The following PTPRQ variants were observed in gnomAD, a reference collection of about 807,000 sequenced individuals.
The protein encoded by PTPRQ is protein tyrosine phosphatase receptor type Q.
Under a neutral mutation model 246.0 loss-of-function variants are expected in PTPRQ, and 199 were observed. The observed-to-expected ratio is 0.81, with a 90% CI of 0.72 to 0.91. The LOEUF (loss-of-function observed/expected upper bound fraction) is 0.91. PTPRQ is among the 40% of genes least tolerant of loss of function. The pLI is 0.00. For synonymous variants in PTPRQ, 869 were observed against 853.2 expected (o/e 1.02, Z -0.32); for missense variants, 2,624 against 2,528.4 (o/e 1.04, Z -0.81).
chr12:80,632,062 C>T, intron 33 of PTPRQ, 130 bp from the exon 34 acceptor site: 5 of 1,240,582 alleles, frequency 4.0e-6, no homozygotes, highest in Non-Finnish European at 5.4e-6. Flanking sequence ...AACAAACAAG[C>T]TGCTACATTT....
intron 25 of PTPRQ, among the ~76,000 whole-genome samples, chr12:80,557,049 A>G (rs916772517): frequency 3.3e-5 from 5 of 152,164 alleles, no homozygotes; most frequent in African/African-American, 7.2e-5. Context: ...AATTCTAAAA[A>G]CAGTGATTGT....
intron 16 of PTPRQ, among the ~76,000 whole-genome samples, chr12:80,508,676 A>T (rs1895037748): frequency 6.6e-6 from 1 of 152,132 alleles, no homozygotes; most frequent in Non-Finnish European, 1.5e-5. Context: ...TGTATTTTAG[A>T]ATACATGTGC....
intron 8 of PTPRQ, among the ~76,000 whole-genome samples, chr12:80,481,171 C>G (rs1263811840): frequency 6.6e-6 from 1 of 152,166 alleles, no homozygotes; most frequent in African/African-American, 2.4e-5. Flanking sequence ...GAAAGCTTAT[C>G]CACCATGATC....
intron 33 of PTPRQ, among the ~76,000 whole-genome samples, chr12:80,626,729 A>G (rs1899215595): frequency 6.6e-6 from 1 of 152,106 alleles, no homozygotes; most frequent in Non-Finnish European, 1.5e-5. Flanking sequence ...TAAGTCCCCA[A>G]GTAGCCCCCA....
chr12:80,605,009 G>T, intron 26 of PTPRQ, 50 bp from the exon 27 acceptor site: 1 of 1,483,942 alleles, frequency 6.7e-7, no homozygotes, highest in Non-Finnish European at 9.0e-7. Flanking sequence ...TTGTGCTGTA[G>T]CAAGTACTAA....
chr12:80,534,167 C>T lies in PTPRQ; in HGVS notation c.2831C>T (p.Pro944Leu), dbSNP rs1038514475. ...AGCAATATCATTAGCTTTCAAACAC[C>T]AGAGGGAGGTGAGTTAAGGATGTAT... is the stretch of plus-strand genomic sequence containing the variant. ...TRSNIISFQTPEGAPSDPPKD... is the reference protein window; with the variant it reads ...TRSNIISFQTLEGAPSDPPKD... Residue 944 changes from proline to leucine, a missense_variant, in exon 18 of 45, where the codon CCA (proline) becomes CTA (leucine). Coordinates refer to ENST00000644991, the MANE Select transcript of PTPRQ (RefSeq NM_001145026.2). The T allele has an allele frequency of 5.4e-5, 83 of 1,528,036 alleles. No homozygotes were observed. The highest frequency in any genetic ancestry group is 6.5e-5 in the Non-Finnish European group (74 of 1,136,334). The allele number at this position is 1,528,036 out of a possible 1,614,324, so 94.7% of individuals were successfully genotyped here.
At position 80,614,171 on chromosome 12, in the gene PTPRQ, A is replaced by G. The variant is rs150398481; in HGVS notation, c.5163+335A>G. Among the ~76,000 whole-genome samples the G allele has an allele frequency of 1.5e-3, 222 of 150,966 alleles. 2 individuals carry two copies. Among genetic ancestry groups the G allele is most frequent in the African/African-American group, 5.1e-3 (210 of 41,410 alleles). On this transcript the variant is annotated intron_variant, in intron 29 of 44. Coordinates refer to ENST00000644991, the MANE Select transcript of PTPRQ (RefSeq NM_001145026.2). The stretch of plus-strand genomic sequence containing the variant: ...CCTAAAAAAAAGCTATATGATTATG[A>G]ATTTAAAATGGAAAAGCAAATTTTA...
At chr12:80,575,894 G>T (rs1897268519) in intron 25 of PTPRQ, among the ~76,000 whole-genome samples, 3 of 150,992 alleles carry the variant, frequency 2.0e-5, no homozygotes, top group South Asian at 4.2e-4. Flanking sequence ...AAATCTTTTG[G>T]CAATCAGAGA....
chr12:80,518,824 C>A (rs1895384258), intron 17 of PTPRQ, among the ~76,000 whole-genome samples: 1 of 152,000 alleles, frequency 6.6e-6, no homozygotes, highest in African/African-American at 2.4e-5. Flanking sequence ...CTATTCTGTT[C>A]CATTGGTCTA....
chr12:80,495,481 T>C lies in PTPRQ; in HGVS notation c.1882+110T>C, dbSNP rs144863467. On this transcript the variant is annotated intron_variant, in intron 12 of 44. Coordinates refer to ENST00000644991, the MANE Select transcript of PTPRQ (RefSeq NM_001145026.2). ...TATATACTACAGAACACATGCTATG[T>C]CACTTCATATTTTGTTGTTTTGTGT... 103 of 1,312,772 alleles carry C rather than the reference T, an allele frequency of 7.8e-5. No individual in the cohort carries two copies. The East Asian group carries it at 2.9e-3, about 37-fold the overall frequency. 81.3% of individuals were successfully genotyped at this position (1,312,772 alleles called of 1,614,324 possible).
At chr12:80,453,150 G>T (rs1260142629) in intron 3 of PTPRQ, among the ~76,000 whole-genome samples, 2 of 151,956 alleles carry the variant, frequency 1.3e-5, no homozygotes, top group Non-Finnish European at 2.9e-5. Context: ...TCTTCCAGTT[G>T]ATCGCATCGG....
chr12:80,556,355 A>G (rs552728638), intron 25 of PTPRQ, among the ~76,000 whole-genome samples: 3 of 152,324 alleles, frequency 2.0e-5, no homozygotes, highest in South Asian at 4.1e-4. Context: ...ATAAATATTC[A>G]GGAGAAAAAT....
intron 8 of PTPRQ, among the ~76,000 whole-genome samples, chr12:80,476,630 T>C (rs966990376): frequency 2.6e-5 from 4 of 152,088 alleles, no homozygotes; most frequent in Admixed American, 2.6e-4. Flanking sequence ...TATATGGGAG[T>C]TATAAAATTA....
rs370938083 is a variant in PTPRQ at position 80,654,846 on chromosome 12, C to T, written c.6115+2012C>T. On this transcript the variant is annotated intron_variant, in intron 38 of 44. Transcript: ENST00000644991. ...TTGCATTCCATCCTGGGTGACAGAG[C>T]GAGACTCTATCTCAAAAAATAATAA... Among the ~76,000 whole-genome samples, 485 of 151,690 alleles carry T rather than the reference C, an allele frequency of 3.2e-3. 5 individuals carry two copies. The highest frequency in any genetic ancestry group is 0.011 in the African/African-American group (474 of 41,394).
intron 9 of PTPRQ, among the ~76,000 whole-genome samples, chr12:80,487,878 T>A (rs545598453): frequency 1.3e-5 from 2 of 152,196 alleles, no homozygotes; most frequent in East Asian, 3.9e-4. Context: ...GGGTCAGATG[T>A]CTAGGTACAG....
chr12:80,550,748 C>T (rs138708404), intron 25 of PTPRQ, among the ~76,000 whole-genome samples: 1 of 152,186 alleles, frequency 6.6e-6, no homozygotes, highest in Non-Finnish European at 1.5e-5. Context: ...ATAAATTCAT[C>T]GTCCTTAATT....
At chr12:80,461,236 C>A (rs1893156219) in intron 6 of PTPRQ, among the ~76,000 whole-genome samples, 1 of 152,184 alleles carries the variant, frequency 6.6e-6, no homozygotes, top group East Asian at 1.9e-4. Flanking sequence ...ACCCTTCTCT[C>A]ACTGTTATTG....
At chr12:80,513,629 G>C (rs536286776) in intron 17 of PTPRQ, among the ~76,000 whole-genome samples, 294 of 152,114 alleles carry the variant, frequency 1.9e-3, no homozygotes, top group Middle Eastern at 6.8e-3. Flanking sequence ...CCCGGGTGTG[G>C]GGCGCTAGGC....
intron 37 of PTPRQ, among the ~76,000 whole-genome samples, chr12:80,650,190 A>G (rs11114545): frequency 0.16 from 23,737 of 152,006 alleles, 2,409 homozygotes; most frequent in Middle Eastern, 0.28. Context: ...AAAAAAAAAG[A>G]TAAGTAATGT....
Sources: allele counts gnomAD v4.1 joint callset (sites outside exome capture counted in the v4.1 genomes callset), GRCh38; gene constraint gnomAD v4.1.1; transcripts MANE v1.5; gene names NCBI Gene and HGNC (gene_info 2026-07-23, HGNC 2026-07-21).